GNAQ: variants seen among roughly 807,000 people sequenced by gnomAD.
The protein encoded by GNAQ is G protein subunit alpha q.
GNAQ carries 8 observed loss-of-function variants against 43.9 expected under a neutral mutation model. The observed-to-expected ratio is 0.18, with a 90% CI of 0.11 to 0.33. The LOEUF is 0.33. GNAQ is among the 10% of genes least tolerant of loss of function. The pLI is 1.00. For synonymous variants in GNAQ, 155 were observed against 170.7 expected (o/e 0.91, Z 0.71); for missense variants, 158 against 450.8 (o/e 0.35, Z 5.88).
At chr9:77,875,113 G>A (rs1341177584) in intron 2 of GNAQ, among the ~76,000 whole-genome samples, 2 of 152,130 alleles carry the variant, frequency 1.3e-5, no homozygotes, top group African/African-American at 4.8e-5. Context: ...TAAATGCAAA[G>A]GAGAATGTAA....
chr9:77,936,005 T>C (rs1168782815), intron 1 of GNAQ, among the ~76,000 whole-genome samples: 1 of 152,170 alleles, frequency 6.6e-6, no homozygotes, highest in East Asian at 1.9e-4. Flanking sequence ...TTGAAATGTA[T>C]AACAAGCAGG....
At chr9:77,813,333 C>A (rs576413592) in intron 3 of GNAQ, among the ~76,000 whole-genome samples, 2 of 152,170 alleles carry the variant, frequency 1.3e-5, no homozygotes, top group South Asian at 2.1e-4. Context: ...GAGGGCCCCA[C>A]GTTTTGGTCT....
intron 1 of GNAQ, among the ~76,000 whole-genome samples, chr9:77,937,973 G>A (rs1462158958): frequency 2.0e-5 from 3 of 152,096 alleles, no homozygotes; most frequent in African/African-American, 4.8e-5. Flanking sequence ...TGGCTTTCAA[G>A]TACAGTTGTC....
At chr9:77,850,614 C>T (rs1046665633) in intron 2 of GNAQ, among the ~76,000 whole-genome samples, 1 of 152,152 alleles carries the variant, frequency 6.6e-6, no homozygotes, top group Non-Finnish European at 1.5e-5. Context: ...CTGATTTGAA[C>T]CCTCTAGAAC....
At chr9:77,875,742 T>C (rs1417867696) in intron 2 of GNAQ, among the ~76,000 whole-genome samples, 1 of 152,186 alleles carries the variant, frequency 6.6e-6, no homozygotes, top group Non-Finnish European at 1.5e-5. Flanking sequence ...TCAAAGTCAG[T>C]GACATAACAA....
chr9:77,890,840 T>G (rs2118107343), intron 2 of GNAQ, among the ~76,000 whole-genome samples: 1 of 152,324 alleles, frequency 6.6e-6, no homozygotes, highest in African/African-American at 2.4e-5. Flanking sequence ...TGGTAGTATC[T>G]TACTCAAAAG....
At chr9:77,974,774 G>A (rs528928624) in intron 1 of GNAQ, among the ~76,000 whole-genome samples, 53 of 152,284 alleles carry the variant, frequency 3.5e-4, no homozygotes, top group African/African-American at 1.1e-3. Flanking sequence ...ACTACCCCAC[G>A]TTCTAAGGTT....
chr9:77,956,730 TGGAG>T (rs1284612180), intron 1 of GNAQ, among the ~76,000 whole-genome samples: 3 of 151,968 alleles, frequency 2.0e-5, no homozygotes, highest in Non-Finnish European at 4.4e-5. Context: ...GGCATGGAGG[TGGAG>T]GGGACCATTT....
intron 6 of GNAQ, 92 bp from the exon 7 acceptor site, chr9:77,721,605 A>G (rs1460217880): frequency 1.3e-6 from 1 of 783,702 alleles, no homozygotes; most frequent in African/African-American, 1.7e-5. Flanking sequence ...GTCATTGCTC[A>G]TGAAGCCTAC....
At chr9:77,726,063 T>C (rs952581667) in intron 6 of GNAQ, among the ~76,000 whole-genome samples, 1 of 152,180 alleles carries the variant, frequency 6.6e-6, no homozygotes, top group Non-Finnish European at 1.5e-5. Flanking sequence ...CTAAGCCAGA[T>C]GTTTCATGCC....
intron 2 of GNAQ, among the ~76,000 whole-genome samples, chr9:77,878,386 T>G (rs1828159803): frequency 6.6e-6 from 1 of 152,182 alleles, no homozygotes; most frequent in Admixed American, 6.5e-5. Flanking sequence ...ATGACACCTC[T>G]GTGCCTTACA....
At chr9:77,733,207 T>C (rs747857968) in intron 5 of GNAQ, among the ~76,000 whole-genome samples, 3 of 152,224 alleles carry the variant, frequency 2.0e-5, no homozygotes, top group African/African-American at 7.2e-5. Flanking sequence ...TGTTCTACCC[T>C]GACCAGTTAT....
intron 1 of GNAQ, among the ~76,000 whole-genome samples, chr9:78,025,563 G>A (rs1418626212): frequency 1.3e-5 from 2 of 152,144 alleles, no homozygotes; most frequent in Non-Finnish European, 2.9e-5. Context: ...ACTGCCTCCC[G>A]TTCCAACCAG....
intron 1 of GNAQ, among the ~76,000 whole-genome samples, chr9:78,014,069 C>T (rs960802499): frequency 6.6e-5 from 10 of 152,022 alleles, no homozygotes; most frequent in Admixed American, 6.5e-4. Context: ...AGGCTACCAA[C>T]AGTAAAATTA....
chr9:77,864,192 A>G (rs561384328), intron 2 of GNAQ, among the ~76,000 whole-genome samples: 4 of 149,758 alleles, frequency 2.7e-5, no homozygotes, highest in African/African-American at 7.4e-5. Flanking sequence ...TTTTTAAACA[A>G]TTAGTTCTCT....
At chr9:77,923,673 T>C (rs1829029142) in intron 1 of GNAQ, among the ~76,000 whole-genome samples, 1 of 152,098 alleles carries the variant, frequency 6.6e-6, no homozygotes, top group African/African-American at 2.4e-5. Flanking sequence ...AAAGTGCCAA[T>C]TTGGATATTA....
intron 5 of GNAQ, among the ~76,000 whole-genome samples, chr9:77,759,909 TTTTTTCTTTTCC>T (rs1825965162): frequency 6.7e-6 from 1 of 149,600 alleles, no homozygotes; most frequent in South Asian, 2.1e-4. Context: ...TTTCTTTCTT[TTTTTTCTTTTCC>T]TTTTTCTTTT....
chr9:77,880,322 T>C (rs1309277978), intron 2 of GNAQ, among the ~76,000 whole-genome samples: 1 of 152,230 alleles, frequency 6.6e-6, no homozygotes, highest in African/African-American at 2.4e-5. Flanking sequence ...ATTTATACCC[T>C]TTCTCACACA....
intron 1 of GNAQ, among the ~76,000 whole-genome samples, chr9:78,016,061 A>G (rs555573651): frequency 5.9e-5 from 9 of 152,220 alleles, no homozygotes; most frequent in African/African-American, 9.6e-5. Context: ...TCACACGCAA[A>G]GGATTATGTT....
Sources: gnomAD v4.1 joint callset for allele counts (sites outside exome capture counted in the v4.1 genomes callset) on GRCh38, gnomAD v4.1.1 for gene constraint, MANE v1.5 for transcripts, NCBI Gene and HGNC (gene_info 2026-07-23, HGNC 2026-07-21) for gene names.